Variants in MARCHF1 observed in about 807,000 individuals in gnomAD.
MARCHF1 encodes the protein E3 ubiquitin-protein ligase MARCHF1.
A neutral mutation model predicts 54.2 loss-of-function variants in MARCHF1; 40 were observed. The ratio of observed to expected loss-of-function variants is 0.74; its 90% CI spans 0.57 to 0.96. The LOEUF is 0.96. Among genes scored for constraint, MARCHF1 ranks in the 40% least tolerant of loss-of-function variants. The probability of loss-of-function intolerance (pLI) is 0.00; values close to 1 mark genes in which losing one functional copy is unlikely to be tolerated. For synonymous variants in MARCHF1, 236 were observed against 236.3 expected (o/e 1.00, Z 0.01); for missense variants, 586 against 656.5 (o/e 0.89, Z 1.17).
chr4:164,127,025 C>A (rs1480959138), intron 1 of MARCHF1, among the ~76,000 whole-genome samples: 1 of 144,870 alleles, frequency 6.9e-6, no homozygotes, highest in East Asian at 2.2e-4. Flanking sequence ...TTGCACTCTA[C>A]CCTGGGCGAC....
intron 1 of MARCHF1, among the ~76,000 whole-genome samples, chr4:164,291,200 T>C (rs1370814581): frequency 6.6e-6 from 1 of 152,020 alleles, no homozygotes; most frequent in Non-Finnish European, 1.5e-5. Context: ...ATTTTATAAT[T>C]TGACATTATA....
intron 1 of MARCHF1, chr4:164,189,021 A>G (rs1579607472): frequency 1.4e-6 from 1 of 693,574 alleles, no homozygotes; most frequent in Admixed American, 2.1e-5. Context: ...GATAAGAGGG[A>G]GGGGGAGAAG....
At chr4:163,685,837 T>C (rs1744253554) in intron 5 of MARCHF1, among the ~76,000 whole-genome samples, 2 of 152,240 alleles carry the variant, frequency 1.3e-5, no homozygotes, top group African/African-American at 2.4e-5. Context: ...TTTACACTTT[T>C]GTGTGTGTCA....
intron 4 of MARCHF1, among the ~76,000 whole-genome samples, chr4:163,729,501 G>C (rs907300291): frequency 4.6e-5 from 7 of 151,990 alleles, no homozygotes; most frequent in African/African-American, 1.7e-4. Context: ...GTCTTAGAAA[G>C]TTATTAACTA....
chr4:163,636,987 C>G (rs1032767333), intron 5 of MARCHF1, among the ~76,000 whole-genome samples: 5 of 152,060 alleles, frequency 3.3e-5, no homozygotes, highest in African/African-American at 1.2e-4. Context: ...GAAAAACAAG[C>G]AATGGGGAAA....
chr4:164,162,305 A>C (rs1730259040), intron 1 of MARCHF1, among the ~76,000 whole-genome samples: 1 of 152,176 alleles, frequency 6.6e-6, no homozygotes, highest in African/African-American at 2.4e-5. Flanking sequence ...ATTACATAGA[A>C]TATAACACAG....
intron 1 of MARCHF1, among the ~76,000 whole-genome samples, chr4:164,253,943 C>T (rs10007014): frequency 6.6e-6 from 1 of 151,972 alleles, no homozygotes; most frequent in Non-Finnish European, 1.5e-5. Flanking sequence ...ATCTATATAA[C>T]ATTTTTGTAG....
rs1357063578 is a variant in MARCHF1 at position 163,673,963 on chromosome 4, A to AATAACAAAC, written c.162+26841_162+26849dup. On this transcript the variant is annotated intron_variant, in intron 5 of 9. Coordinates refer to ENST00000514618, the MANE Select transcript of MARCHF1 (RefSeq NM_001394959.1). ...AATATGAATTCCACGAGTTAACAGAAATAACAAACAAAAACCCAACTTGGT... is the reference window on the plus strand; with the variant it reads ...AATATGAATTCCACGAGTTAACAGAAATAACAAACATAACAAACAAAAACCCAACTTGGT... 6.6e-5 allele frequency among the ~76,000 whole-genome samples: 10 copies of AATAACAAAC among 152,278 alleles called. No homozygotes were observed. In the East Asian group the frequency reaches 1.9e-3, roughly 29 times the overall value.
intron 1 of MARCHF1, among the ~76,000 whole-genome samples, chr4:164,208,240 G>T (rs1731668431): frequency 6.6e-6 from 1 of 152,156 alleles, no homozygotes; most frequent in South Asian, 2.1e-4. Context: ...AAGTAACTCA[G>T]GTGAAATGGA....
At chr4:163,760,776 A>C (rs1478688370) in intron 4 of MARCHF1, among the ~76,000 whole-genome samples, 1 of 152,178 alleles carries the variant, frequency 6.6e-6, no homozygotes, top group Non-Finnish European at 1.5e-5. Context: ...TGGTGTGCCT[A>C]ATTTTTTAAA....
chr4:163,900,141 A>G (rs1309551099), intron 3 of MARCHF1, among the ~76,000 whole-genome samples: 1 of 152,046 alleles, frequency 6.6e-6, no homozygotes, highest in African/African-American at 2.4e-5. Context: ...TTGTTTATCC[A>G]TTCTCACTGG....
intron 4 of MARCHF1, among the ~76,000 whole-genome samples, chr4:163,853,562 A>G (rs1437366887): frequency 2.6e-5 from 4 of 152,196 alleles, no homozygotes; most frequent in African/African-American, 9.6e-5. Context: ...GTAATTCACA[A>G]TTTGTTGTGA....
intron 5 of MARCHF1, among the ~76,000 whole-genome samples, chr4:163,620,021 A>G (rs1331267266): frequency 2.0e-5 from 3 of 152,198 alleles, no homozygotes; most frequent in East Asian, 1.9e-4. Flanking sequence ...CATATATGAT[A>G]GCCAAATAGC....
chr4:163,959,865 C>A (rs565237333), intron 3 of MARCHF1, among the ~76,000 whole-genome samples: 1 of 151,858 alleles, frequency 6.6e-6, no homozygotes, highest in Non-Finnish European at 1.5e-5. Flanking sequence ...AAACTATTAA[C>A]AGAGTAAACA....
At chr4:163,669,886 C>T (rs1224041905) in intron 5 of MARCHF1, among the ~76,000 whole-genome samples, 2 of 151,608 alleles carry the variant, frequency 1.3e-5, no homozygotes, top group African/African-American at 4.9e-5. Flanking sequence ...GTGTGAGCCA[C>T]CGCTCCCGGC....
chr4:164,295,564 G>T (rs1734390319), intron 1 of MARCHF1, among the ~76,000 whole-genome samples: 1 of 152,130 alleles, frequency 6.6e-6, no homozygotes, highest in African/African-American at 2.4e-5. Flanking sequence ...TGTTTGAACT[G>T]AAGTAAGTTT....
intron 3 of MARCHF1, among the ~76,000 whole-genome samples, chr4:163,910,688 G>GA (rs1174979205): frequency 6.6e-6 from 1 of 152,050 alleles, no homozygotes; most frequent in African/African-American, 2.4e-5. Context: ...GTAGAGACTG[G>GA]GTTTCACCAT....
chr4:163,890,037 G>C (rs1280871675), intron 3 of MARCHF1, among the ~76,000 whole-genome samples: 2 of 143,416 alleles, frequency 1.4e-5, no homozygotes, highest in African/African-American at 5.1e-5. Context: ...CCATTCTCCT[G>C]TCTCAGCCTC....
intron 2 of MARCHF1, among the ~76,000 whole-genome samples, chr4:164,036,718 A>G (rs1037858095): frequency 4.6e-5 from 7 of 152,236 alleles, no homozygotes; most frequent in Non-Finnish European, 1.5e-5. Context: ...CTGTGATCAG[A>G]GAACACAAAT....
Sources: allele counts gnomAD v4.1 joint callset (sites outside exome capture counted in the v4.1 genomes callset), GRCh38; gene constraint gnomAD v4.1.1; transcripts MANE v1.5; gene names NCBI Gene and HGNC (gene_info 2026-07-23, HGNC 2026-07-21).